KCNMA1: variants seen among roughly 807,000 people sequenced by gnomAD.
KCNMA1 encodes the protein Calcium-activated potassium channel subunit alpha-1.
In KCNMA1, 29 loss-of-function variants were observed where a neutral mutation model predicts 140.0. The observed-to-expected ratio is 0.21, with a 90% CI of 0.15 to 0.28. The LOEUF is 0.28. KCNMA1 is among the 10% of genes least tolerant of loss of function. KCNMA1 has a pLI of 1.00. For synonymous variants in KCNMA1, 612 were observed against 611.9 expected (o/e 1.00, Z 0.00); for missense variants, 880 against 1,602.2 (o/e 0.55, Z 7.70).
intron 1 of KCNMA1, among the ~76,000 whole-genome samples, chr10:77,445,924 C>G (rs2097521343): frequency 6.6e-6 from 1 of 152,160 alleles, no homozygotes; most frequent in Non-Finnish European, 1.5e-5. Flanking sequence ...AACAGGGACT[C>G]AAGGTATGGC....
intron 13 of KCNMA1, among the ~76,000 whole-genome samples, chr10:77,073,923 T>C (rs907874496): frequency 3.3e-5 from 5 of 152,266 alleles, no homozygotes; most frequent in African/African-American, 1.2e-4. Flanking sequence ...ATTCAACCCT[T>C]ATGTCAGGCC....
intron 5 of KCNMA1, among the ~76,000 whole-genome samples, chr10:77,180,279 G>A (rs552735798): frequency 6.6e-6 from 1 of 152,308 alleles, no homozygotes; most frequent in Non-Finnish European, 1.5e-5. Context: ...CATATCTCAT[G>A]GGAATGTTCA....
Position 77,027,959 on chromosome 10 carries a change from T to C in KCNMA1, c.1860-68A>G. 8.1e-6 allele frequency: 11 copies of C among 1,349,816 alleles called. No homozygotes were observed. The South Asian group carries it at 1.0e-4, about 13-fold the overall frequency. The allele number at this position is 1,349,816 out of a possible 1,614,324, so 83.6% of individuals were successfully genotyped here. ...GACCAGAGCCACATAACACACACTATTACGATCTTTCGGTCTCCTAATGCA... is the reference window on the plus strand; with the variant it reads ...GACCAGAGCCACATAACACACACTACTACGATCTTTCGGTCTCCTAATGCA... On this transcript the variant is annotated intron_variant, in intron 15 of 27. Transcript: ENST00000286628.
chr10:77,297,644 C>T (rs627203), intron 2 of KCNMA1, among the ~76,000 whole-genome samples: 127,290 of 152,168 alleles, frequency 0.84, 53,396 homozygotes, highest in Middle Eastern at 0.9. Flanking sequence ...TCTAAATACA[C>T]GCATAATTAA....
At chr10:77,457,266 A>G (rs943370286) in intron 1 of KCNMA1, among the ~76,000 whole-genome samples, 1 of 152,128 alleles carries the variant, frequency 6.6e-6, no homozygotes, top group African/African-American at 2.4e-5. Context: ...CTTCTAGGGA[A>G]GTTTGTTCTA....
At chr10:76,933,247 T>G (rs935711291) in intron 23 of KCNMA1, among the ~76,000 whole-genome samples, 1 of 152,306 alleles carries the variant, frequency 6.6e-6, no homozygotes, top group African/African-American at 2.4e-5. Flanking sequence ...AAACAACAGA[T>G]AGCAGGATTA....
At chr10:77,131,844 A>T (rs1043284323) in intron 5 of KCNMA1, among the ~76,000 whole-genome samples, 10 of 151,868 alleles carry the variant, frequency 6.6e-5, no homozygotes, top group African/African-American at 2.4e-4. Context: ...AGGCACCTGT[A>T]ATCCCAGCTA....
chr10:76,949,000 T>C (rs930318015), intron 22 of KCNMA1, 142 bp downstream of exon 22: 12 of 807,186 alleles, frequency 1.5e-5, no homozygotes, highest in Non-Finnish European at 2.4e-5. Context: ...TGACAGAGCA[T>C]AGGGGAAGTG....
chr10:77,011,768 G>C (rs867587304), intron 18 of KCNMA1, among the ~76,000 whole-genome samples, 199 bp downstream of exon 18: 1 of 152,082 alleles, frequency 6.6e-6, no homozygotes. Flanking sequence ...GGTGTTGATG[G>C]TGGTGATTTT....
At chr10:76,968,403 T>C (rs750835119) in intron 20 of KCNMA1, among the ~76,000 whole-genome samples, 6 of 152,152 alleles carry the variant, frequency 3.9e-5, no homozygotes, top group Non-Finnish European at 7.4e-5. Context: ...TTACTCAAGA[T>C]CAAAGAAATG....
chr10:77,171,971 A>G lies in KCNMA1; in HGVS notation c.808+11450T>C, dbSNP rs961399874. On this transcript the variant is annotated intron_variant, in intron 5 of 27. Transcript: ENST00000286628. ...CAATTAAGTTATTAACATCTTATAGAGGCAAGATCTATGTTTTCCCCATCT... is the reference window on the plus strand; with the variant it reads ...CAATTAAGTTATTAACATCTTATAGGGGCAAGATCTATGTTTTCCCCATCT... Among the ~76,000 whole-genome samples the G allele has an allele frequency of 3.3e-5, 5 of 152,158 alleles. No individual in the cohort carries two copies. The South Asian group carries it at 1.0e-3, about 32-fold the overall frequency.
intron 2 of KCNMA1, among the ~76,000 whole-genome samples, chr10:77,254,034 A>G (rs1170047832): frequency 3.9e-5 from 6 of 152,094 alleles, no homozygotes; most frequent in South Asian, 2.1e-4. Flanking sequence ...CTCTTTCTCT[A>G]TCTCTCTAAC....
intron 23 of KCNMA1, among the ~76,000 whole-genome samples, chr10:76,920,020 G>GTGTGTGTGTGTATATA (rs1177257916): frequency 1.2e-4 from 4 of 34,430 alleles, no homozygotes; most frequent in African/African-American, 4.2e-4. Context: ...GTGTGTGTGT[G>GTGTGTGTGTGTATATA]TATATATATA....
intron 2 of KCNMA1, among the ~76,000 whole-genome samples, chr10:77,381,257 T>C (rs981080475): frequency 6.6e-6 from 1 of 152,090 alleles, no homozygotes; most frequent in Non-Finnish European, 1.5e-5. Flanking sequence ...GGAAGATAGA[T>C]GATAAGTAAA....
At chr10:77,603,071 G>C (rs1319449814) in intron 1 of KCNMA1, among the ~76,000 whole-genome samples, 2 of 152,184 alleles carry the variant, frequency 1.3e-5, no homozygotes. Flanking sequence ...GAAGAGTACA[G>C]TCTGGGGCTG....
chr10:77,539,053 G>C (rs1202995780), intron 1 of KCNMA1, among the ~76,000 whole-genome samples: 1 of 152,116 alleles, frequency 6.6e-6, no homozygotes, highest in Non-Finnish European at 1.5e-5. Context: ...ATACAGGCTG[G>C]TTGGTCCGGG....
chr10:77,574,768 G>A (rs935696718), intron 1 of KCNMA1, among the ~76,000 whole-genome samples: 1 of 152,204 alleles, frequency 6.6e-6, no homozygotes, highest in South Asian at 2.1e-4. Flanking sequence ...ATCACATGAG[G>A]TCATACTTTG....
chr10:77,260,466 T>C (rs1600356975), intron 2 of KCNMA1, among the ~76,000 whole-genome samples: 1 of 152,276 alleles, frequency 6.6e-6, no homozygotes, highest in East Asian at 1.9e-4. Context: ...CCCAGTACTT[T>C]GGGAGGTGGA....
At chr10:76,948,367 T>G (rs568461397) in intron 22 of KCNMA1, among the ~76,000 whole-genome samples, 1 of 152,180 alleles carries the variant, frequency 6.6e-6, no homozygotes, top group Non-Finnish European at 1.5e-5. Flanking sequence ...TAAGTGAGAT[T>G]TGCATGAATT....
Sources: allele counts gnomAD v4.1 joint callset (sites outside exome capture counted in the v4.1 genomes callset), GRCh38; gene constraint gnomAD v4.1.1; transcripts MANE v1.5; gene names NCBI Gene and HGNC (gene_info 2026-07-23, HGNC 2026-07-21).